CSF2RB: variants seen among roughly 807,000 people sequenced by gnomAD.
CSF2RB encodes the protein colony stimulating factor 2 receptor subunit beta, also known as cytokine receptor common subunit beta.
A neutral mutation model predicts 67.2 loss-of-function variants in CSF2RB; 22 were observed. The ratio of observed to expected loss-of-function variants is 0.33; its 90% CI spans 0.23 to 0.47. CSF2RB has a LOEUF of 0.47. Among genes scored for constraint, CSF2RB ranks in the 20% least tolerant of loss-of-function variants. The pLI, the probability that CSF2RB is intolerant of heterozygous loss-of-function variation, is 1.00. For missense variants in CSF2RB, 1,113 were observed against 1,174.5 expected, an observed-to-expected ratio of 0.95 and a Z score of 0.76; for synonymous variants, 507 against 482.9, an observed-to-expected ratio of 1.05 and a Z score of -0.65.
chr22:36,933,405 G>A (rs1451837415), intron 9 of CSF2RB, among the ~76,000 whole-genome samples: 1 of 152,326 alleles, frequency 6.6e-6, no homozygotes, highest in Admixed American at 6.5e-5. Context: ...ACTGAGGCTA[G>A]GAGGGAGGTG....
Position 36,922,024 on chromosome 22 carries a change from C to G in CSF2RB, c.-172-12C>G. Reference sequence around the variant, plus strand: ...GGGAGGGGCAGCTCACTGCTGACATCTCCTTCTGCAGGCCTGGAGGAGGCA... The same window carrying G: ...GGGAGGGGCAGCTCACTGCTGACATGTCCTTCTGCAGGCCTGGAGGAGGCA... On this transcript the variant is annotated splice_polypyrimidine_tract_variant and intron_variant, in intron 1 of 13. Transcript: ENST00000403662. 1.6e-6 allele frequency: 1 copy of G among 618,838 alleles called. No homozygotes were observed. The highest frequency in any genetic ancestry group is 1.8e-5 in the South Asian group (1 of 54,754). The allele number at this position is 618,838 out of a possible 1,614,324, so 38.3% of individuals were successfully genotyped here.
At chr22:36,933,288 T>G (rs1941194741) in intron 9 of CSF2RB, among the ~76,000 whole-genome samples, 1 of 152,230 alleles carries the variant, frequency 6.6e-6, no homozygotes, top group South Asian at 2.1e-4. Flanking sequence ...GAGCTGCTTC[T>G]AATGAGTCGG....
In CSF2RB at chr22:36,930,486, T is replaced by C; in HGVS notation, c.830T>C (p.Phe277Ser). The change falls in exon 7 of 14, where the codon TTC (phenylalanine) becomes TCC (serine). Residue 277 changes from phenylalanine to serine, a missense_variant. Coordinates refer to ENST00000403662, the MANE Select transcript of CSF2RB (RefSeq NM_000395.3). ...GCCAGCTCGGTCTCCTTTGGCCTAT[T>C]CTACAAGCCCAGCCCAGATGCAGGG... The part of the protein sequence containing the change: ...EVASSVSFGL[F>S]YKPSPDAGEE... The C allele has an allele frequency of 6.2e-7, 1 of 1,613,614 alleles. No individual in the cohort carries two copies.
At chr22:36,936,799 C>G (rs1001458429) in intron 13 of CSF2RB, 147 bp downstream of exon 13, 53 of 650,154 alleles carry the variant, frequency 8.2e-5, no homozygotes, top group African/African-American at 5.3e-4. Flanking sequence ...CAGGAGGCAC[C>G]TGGGGGGGAT....
In CSF2RB at chr22:36,929,740, C is replaced by T. The variant is rs779664566; in HGVS notation, c.651C>T (p.Ala217=). 6.2e-7 allele frequency: 1 copy of T among 1,614,050 alleles called. No homozygotes were observed. Among genetic ancestry groups the T allele is most frequent in the African/African-American group, 1.3e-5 (1 of 74,932 alleles). Residue 217 remains alanine (A), a synonymous_variant, in exon 6 of 14, where the codon GCC becomes GCT. Coordinates refer to ENST00000403662, the MANE Select transcript of CSF2RB (RefSeq NM_000395.3). ...TYVARVRTRL[A]PGSRLSGRPS... ...TGGCCCGAGTACGGACCCGCCTGGCCCCAGGTTCTCGGCTCTCAGGACGTC... is the reference window on the plus strand; with the variant it reads ...TGGCCCGAGTACGGACCCGCCTGGCTCCAGGTTCTCGGCTCTCAGGACGTC...
intron 8 of CSF2RB, 60 bp from the exon 9 acceptor site, chr22:36,932,704 CG>C: frequency 6.3e-7 from 1 of 1,583,600 alleles, no homozygotes; most frequent in Non-Finnish European, 8.6e-7. Flanking sequence ...GCATGAGACA[CG>C]GGGAATGTTC....
intron 3 of CSF2RB, among the ~76,000 whole-genome samples, chr22:36,924,030 A>G (rs73405880): frequency 0.024 from 3,651 of 152,198 alleles, 142 homozygotes; most frequent in African/African-American, 0.082. Context: ...AAATTAAGTA[A>G]TTAAATAGCT....
intron 1 of CSF2RB, among the ~76,000 whole-genome samples, chr22:36,917,624 T>C (rs1569129159): frequency 6.6e-6 from 1 of 152,216 alleles, no homozygotes. Context: ...TTAAAATGTA[T>C]TGAACTTATA....
rs749198467 is a variant in CSF2RB at position 36,930,664 on chromosome 22, G to T, written c.855-9G>T. 5 of 1,612,258 alleles carry T rather than the reference G, an allele frequency of 3.1e-6. No homozygotes were observed. The highest frequency in any genetic ancestry group is 4.2e-6 in the Non-Finnish European group (5 of 1,179,984). ...CTCTCCCTGCCCTCAGCTCTGCTGTGCTCCTCAGGGAGGAAGAGTGCTCCC... is the reference window on the plus strand; with the variant it reads ...CTCTCCCTGCCCTCAGCTCTGCTGTTCTCCTCAGGGAGGAAGAGTGCTCCC... On this transcript the variant is annotated splice_polypyrimidine_tract_variant and intron_variant, in intron 7 of 13. Coordinates refer to ENST00000403662, the MANE Select transcript of CSF2RB (RefSeq NM_000395.3).
Position 36,929,413 on chromosome 22 carries a change from G to A in CSF2RB, c.403G>A (p.Glu135Lys), listed in dbSNP as rs922323586. 3.7e-6 allele frequency: 6 copies of A among 1,614,160 alleles called. No individual in the cohort carries two copies. The highest frequency in any genetic ancestry group is 4.2e-6 in the Non-Finnish European group (5 of 1,180,024). ...TTCCTCCCCTCCAGTCCAGCCTCCT[G>A]AGCCCAGGGACCTGCAGATCAGCAC... ...VTLTQHVQPP[E>K]PRDLQISTDQ... The change falls in exon 5 of 14, where the codon GAG becomes AAG. Residue 135 changes from glutamate (E) to lysine (K), a missense_variant. Glu to Lys is a moderately conservative substitution (Grantham distance 56, BLOSUM62 1). Around this residue, in one of 2 missense-constraint regions of CSF2RB, gnomAD observed 559 missense variants for 656.5 expected, o/e 0.85. Coordinates refer to ENST00000403662, the MANE Select transcript of CSF2RB (RefSeq NM_000395.3).
chr22:36,915,296 G>A (rs1428542866), intron 1 of CSF2RB, among the ~76,000 whole-genome samples: 1 of 152,012 alleles, frequency 6.6e-6, no homozygotes, highest in African/African-American at 2.4e-5. Context: ...TATTGGCCAG[G>A]CTGGTCTCGA....
At chr22:36,914,004 G>A (rs2075726) in intron 1 of CSF2RB, among the ~76,000 whole-genome samples, 64,723 of 151,722 alleles carry the variant, frequency 0.43, 15,250 homozygotes, top group East Asian at 0.57. Flanking sequence ...CTCAGGCCTG[G>A]GAGTCAGGCA....
rs1355757434 is a variant in CSF2RB at position 36,923,253 on chromosome 22, C to T, written c.86C>T (p.Pro29Leu). The change falls in exon 3 of 14, where the codon CCG becomes CTG. Residue 29 changes from proline to leucine, a missense_variant. This residue lies in a region of CSF2RB where 559 missense variants were observed against 656.5 expected (regional missense o/e 0.85). Coordinates refer to ENST00000403662, the MANE Select transcript of CSF2RB (RefSeq NM_000395.3). ...CTACCCCTCTTGTCAGAAACCATCCCGCTGCAGACCCTGCGCTGCTACAAC... is the reference window on the plus strand; with the variant it reads ...CTACCCCTCTTGTCAGAAACCATCCTGCTGCAGACCCTGCGCTGCTACAAC... Reference protein sequence around the residue: ...RSLAGAEETIPLQTLRCYNDY... With the variant: ...RSLAGAEETILLQTLRCYNDY... 4 of 1,614,046 alleles carry T rather than the reference C, an allele frequency of 2.5e-6. No homozygotes were observed. Among genetic ancestry groups the T allele is most frequent in the African/African-American group, 1.3e-5 (1 of 74,912 alleles).
chr22:36,935,459 G>T lies in CSF2RB; in HGVS notation c.1406+18G>T. On this transcript the variant is annotated intron_variant, in intron 11 of 13. Coordinates refer to ENST00000403662, the MANE Select transcript of CSF2RB (RefSeq NM_000395.3). ...GGGTACAGGTGAGGGGACTCTGTGG[G>T]GCTGGAGGTGGCAGCCGAGACCCCA... The T allele has an allele frequency of 6.2e-7, 1 of 1,613,558 alleles. No homozygotes were observed. Among genetic ancestry groups the T allele is most frequent in the Non-Finnish European group, 8.5e-7 (1 of 1,179,506 alleles).
chr22:36,915,837 C>T (rs768866502), intron 1 of CSF2RB, among the ~76,000 whole-genome samples: 4 of 152,034 alleles, frequency 2.6e-5, no homozygotes, highest in East Asian at 1.9e-4. Context: ...CTCAATGTCG[C>T]GTGATTTTTT....
rs1941111867 is a variant in CSF2RB at position 36,929,868 on chromosome 22, C to T, written c.718+61C>T. 1.9e-6 allele frequency: 3 copies of T among 1,570,444 alleles called. No homozygotes were observed. The Admixed American group carries it at 5.6e-5, about 29-fold the overall frequency. On this transcript the variant is annotated intron_variant, in intron 6 of 13. Transcript: ENST00000403662. Reference sequence around the variant, plus strand: ...GGGAGGGCAGGCTCATCAGGAGCTCCTGGCACAGCAGGGTTCCTGGGCTCC... The same window carrying T: ...GGGAGGGCAGGCTCATCAGGAGCTCTTGGCACAGCAGGGTTCCTGGGCTCC...
At chr22:36,925,961 G>A (rs5756410) in intron 3 of CSF2RB, 26 bp from the exon 4 acceptor site, 1 of 1,613,834 alleles carries the variant, frequency 6.2e-7, no homozygotes, top group Non-Finnish European at 8.5e-7. Flanking sequence ...ATACACCCTG[G>A]GCTAAGCCGT....
At position 36,932,817 on chromosome 22, in the gene CSF2RB, C is replaced by A. The variant is rs746796915; in HGVS notation, c.1065C>A (p.Ser355Arg). Residue 355 changes from serine (S) to arginine (R), a missense_variant, in exon 9 of 14, where the codon AGC (serine) becomes AGA (arginine). Coordinates refer to ENST00000403662, the MANE Select transcript of CSF2RB (RefSeq NM_000395.3). ...TGACCAAGGATGGAGACAGCTACAG[C>A]CTGCGCTGGGAAACAATGAAAATGC... The part of the protein sequence containing the change: ...LNVTKDGDSY[S>R]LRWETMKMRY... 11 of 1,614,022 alleles carry A rather than the reference C, an allele frequency of 6.8e-6. No individual in the cohort carries two copies. Among genetic ancestry groups the A allele is most frequent in the Admixed American group, 1.7e-5 (1 of 59,992 alleles).
intron 9 of CSF2RB, 46 bp downstream of exon 9, chr22:36,932,950 G>C (rs957469410): frequency 1.2e-5 from 19 of 1,609,776 alleles, no homozygotes; most frequent in Non-Finnish European, 1.5e-5. Context: ...GGGAGGGCGG[G>C]AGAAGGGAAA....
Sources: gnomAD v4.1 joint callset for allele counts (sites outside exome capture counted in the v4.1 genomes callset) on GRCh38, gnomAD v4.1.1 for gene constraint, gnomAD v4.1.1 regional missense constraint, MANE v1.5 for transcripts, NCBI Gene and HGNC (gene_info 2026-07-23, HGNC 2026-07-21) for gene names.